The following ATF7 variants were observed in gnomAD, a reference collection of about 807,000 sequenced individuals.
ATF7 encodes cyclic AMP-dependent transcription factor ATF-7.
Under a neutral mutation model 50.4 loss-of-function variants are expected in ATF7, and 10 were observed. The ratio of observed to expected loss-of-function variants is 0.20; its 90% CI spans 0.12 to 0.34. The LOEUF is 0.34. Ranked by LOEUF, ATF7 falls within the 10% of genes least tolerant of loss-of-function variation. The pLI, the probability that ATF7 is intolerant of heterozygous loss-of-function variation, is 1.00. For missense variants in ATF7, 465 were observed against 613.9 expected, an observed-to-expected ratio of 0.76 and a Z score of 2.56; for synonymous variants, 201 against 226.4, an observed-to-expected ratio of 0.89 and a Z score of 1.01.
intron 9 of ATF7, among the ~76,000 whole-genome samples, chr12:53,525,342 A>G (rs1162507316): frequency 6.6e-6 from 1 of 152,180 alleles, no homozygotes; most frequent in Non-Finnish European, 1.5e-5. Context: ...AACAAGAGCG[A>G]AACTCCGTCT....
At chr12:53,556,352 G>A (rs112174155) in intron 2 of ATF7, among the ~76,000 whole-genome samples, 207 of 152,354 alleles carry the variant, frequency 1.4e-3, no homozygotes, top group Non-Finnish European at 2.0e-3. Context: ...ACATTGGGAT[G>A]CCGAGGCAGG....
intron 2 of ATF7, among the ~76,000 whole-genome samples, chr12:53,583,289 C>A (rs1021747625): frequency 5.9e-5 from 9 of 152,118 alleles, no homozygotes; most frequent in African/African-American, 1.9e-4. Context: ...GCATTAGATT[C>A]TCAAAGGAGT....
intron 2 of ATF7, among the ~76,000 whole-genome samples, chr12:53,572,557 T>G (rs1565965647): frequency 6.6e-6 from 1 of 152,154 alleles, no homozygotes; most frequent in Non-Finnish European, 1.5e-5. Context: ...TCTTGTGCTT[T>G]TGGCGGGGGG....
chr12:53,575,924 A>C (rs944048737), intron 2 of ATF7: 2 of 153,304 alleles, frequency 1.3e-5, no homozygotes, highest in Admixed American at 1.3e-4. Context: ...GAGAGAACAC[A>C]CTTGGCAGAG....
intron 2 of ATF7, among the ~76,000 whole-genome samples, chr12:53,587,843 A>ATATATATTTTTTTTT: frequency 3.2e-5 from 2 of 61,568 alleles, no homozygotes; most frequent in Non-Finnish European, 6.8e-5. Flanking sequence ...ATATATATAT[A>ATATATATTTTTTTTT]TTTTTTTTTT....
chr12:53,545,807 C>G (rs1007450713), intron 3 of ATF7, among the ~76,000 whole-genome samples: 4 of 152,078 alleles, frequency 2.6e-5, no homozygotes, highest in Admixed American at 2.6e-4. Context: ...GTAATCCTGG[C>G]ACTTTGGAAG....
At position 53,540,921 on chromosome 12, in the gene ATF7, A is replaced by G. The variant is rs1020129051; in HGVS notation, c.264+2409T>C. 6.6e-5 allele frequency among the ~76,000 whole-genome samples: 10 copies of G among 152,014 alleles called. 1 individual carries two copies. The highest frequency in any genetic ancestry group is 1.5e-5 in the Non-Finnish European group (1 of 67,968). On this transcript the variant is annotated intron_variant, in intron 4 of 11. Coordinates refer to ENST00000420353, the MANE Select transcript of ATF7 (RefSeq NM_006856.3). The stretch of plus-strand genomic sequence containing the variant: ...TGATTTTTAAATTTTTTGTAGAGAT[A>G]GGTCTCACCATGCTGCTCAGGCTGG...
At chr12:53,569,681 A>AT (rs60334028) in intron 2 of ATF7, among the ~76,000 whole-genome samples, 27,181 of 148,054 alleles carry the variant, frequency 0.18, 2,658 homozygotes, top group East Asian at 0.34. Flanking sequence ...TTTTTTTTTA[A>AT]TTTTTTTTTT....
rs77952509 is a variant in ATF7, at chr12:53,517,524, C to T, written c.1235-170G>A. The T allele has an allele frequency of 9.5e-3, 6,113 of 646,114 alleles. 39 individuals are homozygous for T. The highest frequency in any genetic ancestry group is 0.012 in the Non-Finnish European group (4,474 of 379,172). The allele number at this position is 646,114 out of a possible 1,614,324, so 40.0% of individuals were successfully genotyped here. On this transcript the variant is annotated intron_variant, in intron 11 of 11. Coordinates refer to ENST00000420353, the MANE Select transcript of ATF7 (RefSeq NM_006856.3). ...TCCTGGCTTCTAAGTCATAAATGGG[C>T]TAGGAAATGGGAAGTTGTAAGAAGG... is the stretch of plus-strand genomic sequence containing the variant.
At chr12:53,588,111 A>G (rs915298638) in intron 2 of ATF7, among the ~76,000 whole-genome samples, 3 of 151,912 alleles carry the variant, frequency 2.0e-5, no homozygotes, top group Admixed American at 6.6e-5. Flanking sequence ...CAGCCTCCCA[A>G]TGTGCTGGGA....
intron 2 of ATF7, among the ~76,000 whole-genome samples, chr12:53,561,062 C>T (rs1483029711): frequency 4.0e-5 from 6 of 151,542 alleles, no homozygotes; most frequent in Non-Finnish European, 8.8e-5. Flanking sequence ...CTTCCCACCT[C>T]AGCCTACCAA....
chr12:53,560,939 C>G (rs927157469), intron 2 of ATF7, among the ~76,000 whole-genome samples: 1 of 148,168 alleles, frequency 6.7e-6, no homozygotes, highest in Non-Finnish European at 1.5e-5. Context: ...TTGGTTTTTT[C>G]TTTTCTTTCT....
chr12:53,606,267 G>A (rs975341096), intron 1 of ATF7, among the ~76,000 whole-genome samples: 3 of 151,198 alleles, frequency 2.0e-5, no homozygotes, highest in Non-Finnish European at 3.0e-5. Flanking sequence ...TTTTTGAGAC[G>A]GAGTTTCGCT....
intron 1 of ATF7, among the ~76,000 whole-genome samples, chr12:53,620,125 C>T (rs997739308): frequency 7.2e-5 from 11 of 151,752 alleles, no homozygotes; most frequent in African/African-American, 2.7e-4. Context: ...GTCTGGGCAA[C>T]AGAGTAAGAC....
At chr12:53,561,469 AAGT>A (rs774300006) in intron 2 of ATF7, among the ~76,000 whole-genome samples, 4 of 152,176 alleles carry the variant, frequency 2.6e-5, no homozygotes, top group Non-Finnish European at 4.4e-5. Flanking sequence ...TAATCACTTC[AAGT>A]GATCACATAT....
intron 2 of ATF7, among the ~76,000 whole-genome samples, chr12:53,566,974 G>A (rs1054729008): frequency 1.3e-5 from 2 of 152,010 alleles, no homozygotes; most frequent in Non-Finnish European, 2.9e-5. Context: ...GGCTAGTCTC[G>A]AACTCCTGAC....
At chr12:53,561,821 A>T (rs1387824504) in intron 2 of ATF7, among the ~76,000 whole-genome samples, 1 of 152,232 alleles carries the variant, frequency 6.6e-6, no homozygotes, top group Non-Finnish European at 1.5e-5. Context: ...AAAGTACAGG[A>T]TTGTTCAACA....
intron 2 of ATF7, among the ~76,000 whole-genome samples, chr12:53,586,179 G>A (rs747387452): frequency 9.2e-5 from 14 of 151,910 alleles, no homozygotes; most frequent in Non-Finnish European, 1.8e-4. Context: ...GACTGAAGAG[G>A]GAAAGTTAAA....
chr12:53,540,933 G>A (rs1311447466), intron 4 of ATF7, among the ~76,000 whole-genome samples: 4 of 152,020 alleles, frequency 2.6e-5, no homozygotes, highest in Non-Finnish European at 5.9e-5. Context: ...GTCTCACCAT[G>A]CTGCTCAGGC....
Sources: gnomAD v4.1 joint callset for allele counts (sites outside exome capture counted in the v4.1 genomes callset) on GRCh38, gnomAD v4.1.1 for gene constraint, MANE v1.5 for transcripts, NCBI Gene and HGNC (gene_info 2026-07-23, HGNC 2026-07-21) for gene names.